Variants in QKI observed in about 807,000 individuals in gnomAD.
QKI encodes KH domain-containing RNA-binding protein QKI.
Under a neutral mutation model 39.0 loss-of-function variants are expected in QKI, and 10 were observed. The ratio of observed to expected loss-of-function variants is 0.26; its 90% CI spans 0.16 to 0.43. The LOEUF is 0.43. Ranked by LOEUF, QKI falls within the 20% of genes least tolerant of loss-of-function variation. The pLI, the probability that QKI is intolerant of heterozygous loss-of-function variation, is 1.00. For missense variants in QKI, 218 were observed against 428.0 expected (o/e 0.51, Z 4.33); for synonymous variants, 204 against 155.4 (o/e 1.31, Z -2.33).
At chr6:163,474,787 T>TAAAAAAAAAAAAAAAAAA in intron 2 of QKI, among the ~76,000 whole-genome samples, 1 of 108,640 alleles carries the variant, frequency 9.2e-6, no homozygotes, top group Non-Finnish European at 1.8e-5. Flanking sequence ...ACAAAAAAGT[T>TAAAAAAAAAAAAAAAAAA]AAAAAAAAAA....
At chr6:163,499,624 T>C (rs947313788) in intron 3 of QKI, among the ~76,000 whole-genome samples, 1 of 152,188 alleles carries the variant, frequency 6.6e-6, no homozygotes, top group African/African-American at 2.4e-5. Flanking sequence ...TCATACAATG[T>C]TTCCAGTATC....
At chr6:163,545,429 A>G (rs187655551) in intron 4 of QKI, among the ~76,000 whole-genome samples, 2 of 152,262 alleles carry the variant, frequency 1.3e-5, no homozygotes, top group African/African-American at 2.4e-5. Flanking sequence ...TATAGGTTTT[A>G]AGACTTCCCT....
intron 1 of QKI, among the ~76,000 whole-genome samples, chr6:163,454,126 C>A (rs900359797): frequency 3.3e-5 from 5 of 152,112 alleles, no homozygotes; most frequent in Admixed American, 6.5e-5. Context: ...AGGACACAGT[C>A]TGTAGGATAG....
intron 1 of QKI, among the ~76,000 whole-genome samples, chr6:163,421,307 T>C (rs1458947504): frequency 1.3e-5 from 2 of 152,240 alleles, no homozygotes; most frequent in Non-Finnish European, 2.9e-5. Flanking sequence ...ATTGCTTTAC[T>C]TAAATAGTAT....
Position 163,448,231 on chromosome 6 carries a change from A to G in QKI, c.143-7048A>G, listed in dbSNP as rs532812867. On this transcript the variant is annotated intron_variant, in intron 1 of 7. Coordinates refer to ENST00000361752, the MANE Select transcript of QKI (RefSeq NM_006775.3). Reference sequence around the variant, plus strand: ...GGTAGTACAAAGAGGAGTTATGATTAATTTAATTTTGTAGTTTTTGTTTTT... The same window carrying G: ...GGTAGTACAAAGAGGAGTTATGATTGATTTAATTTTGTAGTTTTTGTTTTT... 7.9e-5 allele frequency among the ~76,000 whole-genome samples: 12 copies of G among 152,236 alleles called. No individual in the cohort carries two copies. In the South Asian group the frequency reaches 2.3e-3, roughly 29 times the overall value.
At chr6:163,508,118 GA>G (rs1034475846) in intron 3 of QKI, among the ~76,000 whole-genome samples, 4 of 151,612 alleles carry the variant, frequency 2.6e-5, no homozygotes, top group Admixed American at 6.6e-5. Flanking sequence ...AGAACAAAGA[GA>G]AAAAAAATTG....
At chr6:163,470,332 T>C (rs1053395951) in intron 2 of QKI, among the ~76,000 whole-genome samples, 5 of 152,022 alleles carry the variant, frequency 3.3e-5, no homozygotes. Flanking sequence ...AACTAGGAGG[T>C]TGCAGGTCCT....
chr6:163,570,620 A>G, intron 7 of QKI, 74 bp from the exon 8 acceptor site: 3 of 1,590,732 alleles, frequency 1.9e-6, no homozygotes, highest in Non-Finnish European at 2.6e-6. Flanking sequence ...AGCCGTCACT[A>G]GCTGAAACTA....
intron 1 of QKI, among the ~76,000 whole-genome samples, chr6:163,417,262 C>G (rs1472090605): frequency 6.6e-6 from 1 of 151,904 alleles, no homozygotes; most frequent in Admixed American, 6.6e-5. Flanking sequence ...AGTTTGTTTT[C>G]TTGAGTGCAG....
intron 3 of QKI, among the ~76,000 whole-genome samples, chr6:163,504,792 A>C (rs1778995308): frequency 6.6e-6 from 1 of 152,166 alleles, no homozygotes; most frequent in South Asian, 2.1e-4. Context: ...TTGTTAGCAA[A>C]GAGAGATAGT....
chr6:163,464,615 C>A (rs75018883), intron 2 of QKI, among the ~76,000 whole-genome samples: 1 of 152,090 alleles, frequency 6.6e-6, no homozygotes, highest in Admixed American at 6.5e-5. Flanking sequence ...CTAAAACATA[C>A]AACCTATCAG....
At chr6:163,478,241 T>C (rs1029130515) in intron 2 of QKI, among the ~76,000 whole-genome samples, 16 of 152,218 alleles carry the variant, frequency 1.1e-4, no homozygotes, top group African/African-American at 3.6e-4. Flanking sequence ...TAGAAAGGAA[T>C]ATGTACTCTT....
At chr6:163,479,248 C>G (rs893897318) in intron 3 of QKI, among the ~76,000 whole-genome samples, 5 of 152,110 alleles carry the variant, frequency 3.3e-5, no homozygotes, top group Non-Finnish European at 7.4e-5. Flanking sequence ...CCACTGCACT[C>G]CAGCCTGGGC....
intron 7 of QKI, 30 bp from the exon 8 acceptor site, chr6:163,570,664 T>C: frequency 6.2e-7 from 1 of 1,603,302 alleles, no homozygotes; most frequent in Non-Finnish European, 8.5e-7. Context: ...CTTTTTTTTG[T>C]TTTGTTTTTT....
At chr6:163,433,972 A>G (rs2128212060) in intron 1 of QKI, among the ~76,000 whole-genome samples, 1 of 152,290 alleles carries the variant, frequency 6.6e-6, no homozygotes, top group South Asian at 2.1e-4. Context: ...TTCATTTTTA[A>G]AAAGGTTGGT....
intron 2 of QKI, among the ~76,000 whole-genome samples, chr6:163,476,930 A>G (rs529294393): frequency 3.9e-5 from 6 of 152,118 alleles, no homozygotes; most frequent in South Asian, 2.1e-4. Context: ...CATCATCACT[A>G]TAGCTCTGTC....
intron 4 of QKI, among the ~76,000 whole-genome samples, chr6:163,553,067 TTTA>T (rs1782356366): frequency 1.6e-3 from 8 of 5,132 alleles, no homozygotes; most frequent in Non-Finnish European, 2.7e-3. Flanking sequence ...TTAATTTTTA[TTTA>T]TTTATTTATT....
chr6:163,570,761 G>T lies in QKI; in HGVS notation c.*51G>T, dbSNP rs1322416304. 3 of 1,604,870 alleles carry T rather than the reference G, an allele frequency of 1.9e-6. No individual in the cohort carries two copies. Among genetic ancestry groups the T allele is most frequent in the African/African-American group, 2.7e-5 (2 of 74,368 alleles). On this transcript the variant is annotated 3_prime_UTR_variant, in exon 8 of 8. Transcript: ENST00000361752. The stretch of plus-strand genomic sequence containing the variant: ...CTTCACCCAATGATGACCTGACCAT[G>T]CCTGCCTGCTGATCAGTTAACTGGT...
chr6:163,469,504 C>G lies in QKI; in HGVS notation c.286-9276C>G, dbSNP rs549738682. ...TGGCAAGGTTACTTAAAGAAATAGC[C>G]AAGGTAACAAATATAGTAGAGGCAT... On this transcript the variant is annotated intron_variant, in intron 2 of 7. Transcript: ENST00000361752. Among the ~76,000 whole-genome samples the G allele has an allele frequency of 1.6e-4, 25 of 152,152 alleles. No homozygotes were observed. The South Asian group carries it at 5.0e-3, about 30-fold the overall frequency.
Sources: gnomAD v4.1 joint callset for allele counts (sites outside exome capture counted in the v4.1 genomes callset) on GRCh38, gnomAD v4.1.1 for gene constraint, MANE v1.5 for transcripts, NCBI Gene and HGNC (gene_info 2026-07-23, HGNC 2026-07-21) for gene names.